The following KIF21A variants were observed in gnomAD, a reference collection of about 807,000 sequenced individuals.
KIF21A encodes the protein kinesin family member 21A, also known as kinesin-like protein KIF21A.
Under a neutral mutation model 202.9 loss-of-function variants are expected in KIF21A, and 114 were observed. The ratio of observed to expected loss-of-function variants is 0.56; its 90% CI spans 0.48 to 0.66. The LOEUF (loss-of-function observed/expected upper bound fraction) is 0.66, where lower values mean the gene tolerates loss of function less well. KIF21A is among the 30% of genes least tolerant of loss of function. The pLI is 0.00. For synonymous variants in KIF21A, 667 were observed against 670.8 expected, an observed-to-expected ratio of 0.99 and a Z score of 0.09; for missense variants, 1,677 against 1,994.9, an observed-to-expected ratio of 0.84 and a Z score of 3.04.
chr12:39,331,309 G>C (rs1056783771), intron 22 of KIF21A, among the ~76,000 whole-genome samples: 1 of 152,034 alleles, frequency 6.6e-6, no homozygotes, highest in Non-Finnish European at 1.5e-5. Flanking sequence ...TTCAAAATAA[G>C]AGAATGATTA....
rs551165091 is a variant in KIF21A at position 39,337,067 on chromosome 12, T to C, written c.2418+29A>G. The C allele has an allele frequency of 1.3e-5, 18 of 1,426,966 alleles. No individual in the cohort carries two copies. The South Asian group carries it at 1.8e-4, about 15-fold the overall frequency. 88.4% of individuals were successfully genotyped at this position (1,426,966 alleles called of 1,614,324 possible). On this transcript the variant is annotated intron_variant, in intron 17 of 37. Transcript: ENST00000361418. ...AATCTTTTTCAACGTACAATTTTCT[T>C]ATATAACTGAGAGTTAAAATCCACT...
chr12:39,395,318 G>T (rs1401780001), intron 1 of KIF21A, among the ~76,000 whole-genome samples: 3 of 151,922 alleles, frequency 2.0e-5, no homozygotes, highest in Non-Finnish European at 4.4e-5. Context: ...TCTTTCCATT[G>T]CTCTAGAATT....
At chr12:39,427,233 T>C (rs894559073) in intron 1 of KIF21A, among the ~76,000 whole-genome samples, 1 of 152,252 alleles carries the variant, frequency 6.6e-6, no homozygotes, top group African/African-American at 2.4e-5. Context: ...TGGTCAGGGA[T>C]GGAAGTTACT....
chr12:39,356,159 C>T (rs535662638), intron 10 of KIF21A, among the ~76,000 whole-genome samples: 8 of 152,322 alleles, frequency 5.3e-5, no homozygotes, highest in African/African-American at 1.4e-4. Flanking sequence ...TCTTTCCCAA[C>T]CCTATTCCCC....
Position 39,294,522 on chromosome 12 carries a change from A to G in KIF21A, c.4932-5T>C. 2 of 1,606,804 alleles carry G rather than the reference A, an allele frequency of 1.2e-6. No homozygotes were observed. The highest frequency in any genetic ancestry group is 1.7e-5 in the Admixed American group (1 of 60,006). On this transcript the variant is annotated splice_region_variant and splice_polypyrimidine_tract_variant and intron_variant, in intron 37 of 37. Transcript: ENST00000361418. ...CAAATTCTCACAGTTCGATCACTAC[A>G]AAAAAATAAACAAAACATGGATATA...
chr12:39,403,185 A>C (rs1952306537), intron 1 of KIF21A, among the ~76,000 whole-genome samples: 1 of 152,144 alleles, frequency 6.6e-6, no homozygotes, highest in South Asian at 2.1e-4. Flanking sequence ...TCATTCATCA[A>C]ACCCTTGAAC....
intron 1 of KIF21A, among the ~76,000 whole-genome samples, chr12:39,413,740 C>A (rs1329977718): frequency 3.9e-5 from 6 of 152,124 alleles, no homozygotes; most frequent in African/African-American, 1.2e-4. Flanking sequence ...TGCCACTGTA[C>A]TCCGGCCAGG....
At chr12:39,389,503 C>T (rs966236215) in intron 1 of KIF21A, among the ~76,000 whole-genome samples, 1 of 152,178 alleles carries the variant, frequency 6.6e-6, no homozygotes, top group African/African-American at 2.4e-5. Flanking sequence ...GGCTCCCATG[C>T]ATCTATTTTC....
chr12:39,428,464 A>G (rs1954930948), intron 1 of KIF21A, among the ~76,000 whole-genome samples: 1 of 152,246 alleles, frequency 6.6e-6, no homozygotes, highest in South Asian at 2.1e-4. Context: ...TATTGTGTCA[A>G]CAATCAAGAC....
At chr12:39,412,897 TA>T (rs1953229627) in intron 1 of KIF21A, among the ~76,000 whole-genome samples, 1 of 152,238 alleles carries the variant, frequency 6.6e-6, no homozygotes, top group Non-Finnish European at 1.5e-5. Flanking sequence ...TAGATTTTAA[TA>T]AATGTTATAC....
intron 1 of KIF21A, among the ~76,000 whole-genome samples, chr12:39,425,339 C>G (rs968078665): frequency 1.3e-5 from 2 of 152,162 alleles, no homozygotes; most frequent in African/African-American, 4.8e-5. Context: ...CCAGAACTCC[C>G]TTCCAGGCAC....
intron 25 of KIF21A, 44 bp from the exon 26 acceptor site, chr12:39,325,937 T>C (rs747491397): frequency 6.6e-7 from 1 of 1,512,914 alleles, no homozygotes; most frequent in Non-Finnish European, 9.1e-7. Context: ...AATAGAAAAT[T>C]ATTATAGAAA....
At chr12:39,438,198 T>C (rs549799545) in intron 1 of KIF21A, among the ~76,000 whole-genome samples, 4 of 152,304 alleles carry the variant, frequency 2.6e-5, no homozygotes, top group African/African-American at 9.6e-5. Flanking sequence ...TATTCATTTG[T>C]ATTATAACCA....
Position 39,331,797 on chromosome 12 carries a change from T to C in KIF21A, c.3052-6A>G. The C allele has an allele frequency of 6.3e-7, 1 of 1,593,146 alleles. No individual in the cohort carries two copies. Among genetic ancestry groups the C allele is most frequent in the Non-Finnish European group, 8.6e-7 (1 of 1,160,992 alleles). On this transcript the variant is annotated splice_polypyrimidine_tract_variant and splice_region_variant and intron_variant, in intron 21 of 37. Transcript: ENST00000361418. Reference sequence around the variant, plus strand: ...TCCAATGTCTCACCTTCTTCCTGTATAAAATCAGCATAATATGATGACCAT... The same window carrying C: ...TCCAATGTCTCACCTTCTTCCTGTACAAAATCAGCATAATATGATGACCAT...
At chr12:39,327,003 A>G (rs1275392000) in intron 24 of KIF21A, among the ~76,000 whole-genome samples, 2 of 152,200 alleles carry the variant, frequency 1.3e-5, no homozygotes, top group Non-Finnish European at 2.9e-5. Context: ...AATTAAACAT[A>G]TAAAACTGTT....
intron 1 of KIF21A, among the ~76,000 whole-genome samples, chr12:39,433,392 A>G (rs1938230787): frequency 6.6e-6 from 1 of 152,164 alleles, no homozygotes; most frequent in South Asian, 2.1e-4. Context: ...TTAATGTATA[A>G]TTAAAATTTT....
intron 1 of KIF21A, among the ~76,000 whole-genome samples, chr12:39,405,988 G>A (rs958665963): frequency 7.2e-5 from 11 of 152,140 alleles, no homozygotes; most frequent in Middle Eastern, 3.4e-3. Flanking sequence ...TATGTAAAGC[G>A]TGTCTTTGCA....
intron 31 of KIF21A, chr12:39,312,229 A>G (rs563548298): frequency 2.6e-5 from 4 of 152,182 alleles, no homozygotes; most frequent in African/African-American, 9.6e-5. Flanking sequence ...AACAACATAG[A>G]TAGAACTGGA....
At position 39,340,263 on chromosome 12, in the gene KIF21A, C is replaced by A; in HGVS notation, c.2212G>T (p.Ala738Ser). Residue 738 changes from alanine to serine, a missense_variant, in exon 16 of 38, where the codon GCT becomes TCT. Physicochemically the swap from Ala to Ser is moderately conservative, Grantham distance 99. Around this residue, in one of 3 missense-constraint regions of KIF21A, gnomAD observed 966 missense variants for 1,180.9 expected, o/e 0.82. Transcript: ENST00000361418. ...MNKELQRLQA[A>S]QKEHARLLKN... The stretch of plus-strand genomic sequence containing the variant: ...AGCAACCTTGCATGTTCTTTTTGAG[C>A]TGCTTGAAGTCTCTGCAGTTCTTTG... 6.2e-7 allele frequency: 1 copy of A among 1,612,874 alleles called. No individual in the cohort carries two copies.
Sources: gnomAD v4.1 joint callset for allele counts (sites outside exome capture counted in the v4.1 genomes callset) on GRCh38, gnomAD v4.1.1 for gene constraint, gnomAD v4.1.1 regional missense constraint, MANE v1.5 for transcripts, NCBI Gene and HGNC (gene_info 2026-07-23, HGNC 2026-07-21) for gene names.